The following MROH2B variants were observed in gnomAD, a reference collection of about 807,000 sequenced individuals.
MROH2B encodes maestro heat-like repeat-containing protein family member 2B.
Under a neutral mutation model 208.6 loss-of-function variants are expected in MROH2B, and 177 were observed. The ratio of observed to expected loss-of-function variants is 0.85; its 90% CI spans 0.75 to 0.96. The LOEUF (loss-of-function observed/expected upper bound fraction) is 0.96, where lower values mean the gene tolerates loss of function less well. MROH2B is among the 40% of genes least tolerant of loss of function. The probability of loss-of-function intolerance (pLI) is 0.00; values close to 1 mark genes in which losing one functional copy is unlikely to be tolerated. For missense variants in MROH2B, 2,002 were observed against 1,878.7 expected, an observed-to-expected ratio of 1.07 and a Z score of -1.21; for synonymous variants, 728 against 659.0, an observed-to-expected ratio of 1.10 and a Z score of -1.60.
In MROH2B at chr5:41,033,867, A is replaced by T; in HGVS notation, c.2215-3T>A. The T allele has an allele frequency of 1.9e-6, 3 of 1,543,254 alleles. No homozygotes were observed. Among genetic ancestry groups the T allele is most frequent in the Non-Finnish European group, 2.6e-6 (3 of 1,141,062 alleles). ...TTCATCACAGACATGCCCAGAACCT[A>T]AAAAAAATCAAAGGCAAAATTAGAT... On this transcript the variant is annotated splice_region_variant and splice_polypyrimidine_tract_variant and intron_variant, in intron 21 of 41. Transcript: ENST00000399564.
intron 24 of MROH2B, among the ~76,000 whole-genome samples, chr5:41,028,447 T>TA (rs1461602865): frequency 7.9e-5 from 12 of 152,204 alleles, no homozygotes; most frequent in African/African-American, 2.7e-4. Flanking sequence ...TCTTTTGACT[T>TA]ACATCTTCCA....
intron 26 of MROH2B, 42 bp from the exon 27 acceptor site, chr5:41,018,472 A>G (rs780592318): frequency 3.0e-5 from 48 of 1,576,662 alleles, no homozygotes; most frequent in Non-Finnish European, 3.9e-5. Flanking sequence ...AGTATTCTTC[A>G]TATTCATCTA....
chr5:41,010,904 T>C (rs1561277861), intron 30 of MROH2B, among the ~76,000 whole-genome samples: 1 of 152,166 alleles, frequency 6.6e-6, no homozygotes, highest in Admixed American at 6.5e-5. Context: ...CTGTGCTTAA[T>C]TTTGCTGTGA....
chr5:41,008,936 T>C, intron 32 of MROH2B, 143 bp from the exon 33 acceptor site: 1 of 862,482 alleles, frequency 1.2e-6, no homozygotes, highest in South Asian at 1.9e-5. Context: ...ATTTCTCAAC[T>C]CAGGGCCTGC....
At chr5:41,063,731 GGACT>G (rs1743710723) in intron 5 of MROH2B, among the ~76,000 whole-genome samples, 2 of 152,258 alleles carry the variant, frequency 1.3e-5, no homozygotes, top group South Asian at 4.1e-4. Context: ...GTTGAAACTG[GGACT>G]GAGAGAAGGG....
chr5:41,056,895 GAAAC>G (rs781513620), intron 9 of MROH2B, among the ~76,000 whole-genome samples: 210 of 152,256 alleles, frequency 1.4e-3, no homozygotes, highest in Non-Finnish European at 2.1e-3. Context: ...CCCAGTCGTG[GAAAC>G]CCTGGCATCA....
intron 24 of MROH2B, among the ~76,000 whole-genome samples, chr5:41,031,278 C>A (rs914884814): frequency 6.6e-6 from 1 of 152,070 alleles, no homozygotes; most frequent in African/African-American, 2.4e-5. Flanking sequence ...GAAGGAGGAA[C>A]AGCCAAACAC....
chr5:41,017,520 T>G (rs1741994251), intron 28 of MROH2B, among the ~76,000 whole-genome samples: 1 of 152,228 alleles, frequency 6.6e-6, no homozygotes, highest in Non-Finnish European at 1.5e-5. Context: ...AATGCTTCAG[T>G]GTTATTATCT....
At chr5:41,058,751 C>T (rs1429129625) in intron 6 of MROH2B, among the ~76,000 whole-genome samples, 1 of 152,102 alleles carries the variant, frequency 6.6e-6, no homozygotes, top group Non-Finnish European at 1.5e-5. Flanking sequence ...CTTACCTCAT[C>T]TTAAAGAACC....
In MROH2B at chr5:41,007,420, G is replaced by A; in HGVS notation, c.3643C>T (p.Gln1215Ter). ...STATLKCLQA[Q>*]AMREGLAKES... The stretch of plus-strand genomic sequence containing the variant: ...TTTGCAAGGCCTTCTCTCATGGCTT[G>A]GGCTTGCAAACATTTTAAAGTAGCA... The change falls in exon 34 of 42, where the codon CAA (glutamine) becomes TAA (stop). Residue 1215 changes from glutamine (Q) to a stop codon, truncating the protein, a stop_gained. Coordinates refer to ENST00000399564, the MANE Select transcript of MROH2B (RefSeq NM_173489.5). LOFTEE classifies it high-confidence loss of function. 8 of 1,576,270 alleles carry A rather than the reference G, an allele frequency of 5.1e-6. No individual in the cohort carries two copies. Among genetic ancestry groups the A allele is most frequent in the Non-Finnish European group, 6.9e-6 (8 of 1,160,902 alleles).
chr5:41,031,659 A>C (rs1742573947), intron 24 of MROH2B, among the ~76,000 whole-genome samples: 1 of 152,008 alleles, frequency 6.6e-6, no homozygotes, highest in Non-Finnish European at 1.5e-5. Flanking sequence ...ATTGCATGTC[A>C]TGAGGATTTG....
chr5:41,066,902 A>G (rs778637877), intron 3 of MROH2B, among the ~76,000 whole-genome samples: 14 of 152,228 alleles, frequency 9.2e-5, no homozygotes, highest in Non-Finnish European at 4.4e-5. Flanking sequence ...GGATAAAATC[A>G]CCTTTAAAAT....
At chr5:41,027,235 A>C (rs1367084233) in intron 24 of MROH2B, among the ~76,000 whole-genome samples, 1 of 152,228 alleles carries the variant, frequency 6.6e-6, no homozygotes, top group Non-Finnish European at 1.5e-5. Context: ...AGAAACTACC[A>C]TCAGAGTGAA....
chr5:41,029,044 C>G (rs1561288510), intron 24 of MROH2B, among the ~76,000 whole-genome samples: 1 of 152,048 alleles, frequency 6.6e-6, no homozygotes, highest in African/African-American at 2.4e-5. Context: ...CTTTTGGACC[C>G]TCCATCCCGT....
chr5:41,034,070 C>A (rs1742673777), intron 21 of MROH2B: 1 of 984,664 alleles, frequency 1.0e-6, no homozygotes, highest in Non-Finnish European at 1.2e-6. Flanking sequence ...CAGAGTCTTT[C>A]CCCCAGGTAA....
intron 7 of MROH2B, 108 bp from the exon 8 acceptor site, chr5:41,057,468 T>A: frequency 1.3e-6 from 1 of 774,126 alleles, no homozygotes; most frequent in Admixed American, 2.7e-5. Flanking sequence ...CTTCTCATCT[T>A]CCTGCAGTTA....
intron 21 of MROH2B, among the ~76,000 whole-genome samples, chr5:41,036,147 C>G (rs567598176): frequency 1.3e-5 from 2 of 152,134 alleles, no homozygotes; most frequent in South Asian, 4.2e-4. Flanking sequence ...CACACACACA[C>G]ACACACCCCA....
intron 6 of MROH2B, among the ~76,000 whole-genome samples, chr5:41,061,175 A>G (rs1201604398): frequency 6.6e-6 from 1 of 152,186 alleles, no homozygotes; most frequent in Non-Finnish European, 1.5e-5. Flanking sequence ...ATTTTTTCCT[A>G]ATTAGTGACT....
chr5:41,066,409 C>T (rs1239008008), intron 3 of MROH2B, among the ~76,000 whole-genome samples: 1 of 152,068 alleles, frequency 6.6e-6, no homozygotes, highest in East Asian at 1.9e-4. Flanking sequence ...GAGAGATAAG[C>T]CCTGCATTTG....
Sources: gnomAD v4.1 joint callset for allele counts (sites outside exome capture counted in the v4.1 genomes callset) on GRCh38, gnomAD v4.1.1 for gene constraint, MANE v1.5 for transcripts, NCBI Gene and HGNC (gene_info 2026-07-23, HGNC 2026-07-21) for gene names.